Variants in GIGYF2 observed in about 807,000 individuals in gnomAD.
The protein encoded by GIGYF2 is GRB10 interacting GYF protein 2.
A neutral mutation model predicts 208.1 loss-of-function variants in GIGYF2; 25 were observed. The observed-to-expected ratio is 0.12, with a 90% CI of 0.09 to 0.17. The LOEUF (loss-of-function observed/expected upper bound fraction) is 0.17, where lower values mean the gene tolerates loss of function less well. Ranked by LOEUF, GIGYF2 falls within the 10% of genes least tolerant of loss-of-function variation. The pLI, the probability that GIGYF2 is intolerant of heterozygous loss-of-function variation, is 1.00. For missense variants in GIGYF2, 1,302 were observed against 1,579.4 expected, an observed-to-expected ratio of 0.82 and a Z score of 2.98; for synonymous variants, 534 against 543.8, an observed-to-expected ratio of 0.98 and a Z score of 0.25.
chr2:232,741,359 A>G (rs1046819501), intron 3 of GIGYF2, among the ~76,000 whole-genome samples: 1 of 151,454 alleles, frequency 6.6e-6, no homozygotes, highest in Non-Finnish European at 1.5e-5. Context: ...CTCTATTGCT[A>G]TCACCTTAGT....
At chr2:232,800,866 C>T (rs931350824) in intron 14 of GIGYF2, among the ~76,000 whole-genome samples, 4 of 152,082 alleles carry the variant, frequency 2.6e-5, no homozygotes, top group African/African-American at 9.7e-5. Context: ...GCCTGGGCAA[C>T]ATAGTGAGAC....
intron 2 of GIGYF2, chr2:232,729,418 G>C (rs1697350525): frequency 1.9e-6 from 1 of 538,644 alleles, no homozygotes; most frequent in South Asian, 3.4e-5. Flanking sequence ...GAGTAATGCA[G>C]GTCTCTTTAT....
At chr2:232,813,877 G>T in intron 18 of GIGYF2, among the ~76,000 whole-genome samples, 1 of 134,476 alleles carries the variant, frequency 7.4e-6, no homozygotes, top group Non-Finnish European at 1.5e-5. Flanking sequence ...GATTTCACAA[G>T]TGGATTTTTT....
At chr2:232,826,563 C>G (rs999548310) in intron 21 of GIGYF2, among the ~76,000 whole-genome samples, 3 of 152,122 alleles carry the variant, frequency 2.0e-5, no homozygotes, top group Non-Finnish European at 2.9e-5. Context: ...AGCTTCTGCA[C>G]AGCAAAAGAA....
At chr2:232,741,457 G>C (rs1023160198) in intron 3 of GIGYF2, among the ~76,000 whole-genome samples, 2 of 120,298 alleles carry the variant, frequency 1.7e-5, no homozygotes, top group African/African-American at 6.4e-5. Context: ...CTTTTTTTTT[G>C]TTTGAAATGG....
At chr2:232,718,083 T>TTG (rs1696773374) in intron 2 of GIGYF2, among the ~76,000 whole-genome samples, 1 of 151,948 alleles carries the variant, frequency 6.6e-6, no homozygotes, top group Admixed American at 6.5e-5. Context: ...AGTAATTTTT[T>TTG]TTGTTGTTGT....
intron 6 of GIGYF2, 135 bp from the exon 7 acceptor site, chr2:232,760,345 C>T (rs962056703): frequency 1.5e-5 from 10 of 680,990 alleles, no homozygotes; most frequent in Middle Eastern, 7.1e-4. Context: ...TCAAGATCAT[C>T]AGGCCTCGTT....
Position 232,749,005 on chromosome 2 carries a change from G to A in GIGYF2, c.190G>A (p.Asp64Asn). The change falls in exon 5 of 29, where the codon GAT (aspartate) becomes AAT (asparagine). Residue 64 changes from aspartate to asparagine, a missense_variant. Physicochemically the swap from Asp to Asn is conservative, Grantham distance 23. This residue lies in a region of GIGYF2 where 189 missense variants were observed against 257.7 expected (regional missense o/e 0.73). Transcript: ENST00000373563. ...KDNKIPSDLL[D>N]KEFLPILQEE... ...CCTACAGATACCTTCAGACCTTCTG[G>A]ATAAAGAATTTCTGCCTATCCTCCA... 2 of 1,585,374 alleles carry A rather than the reference G, an allele frequency of 1.3e-6. No homozygotes were observed. Among genetic ancestry groups the A allele is most frequent in the South Asian group, 1.1e-5 (1 of 90,540 alleles).
chr2:232,755,793 A>C (rs1698512757), intron 5 of GIGYF2, among the ~76,000 whole-genome samples: 1 of 152,212 alleles, frequency 6.6e-6, no homozygotes, highest in African/African-American at 2.4e-5. Flanking sequence ...CTACTCTCGC[A>C]TCAGACCTTT....
Sources: gnomAD v4.1 joint callset for allele counts (sites outside exome capture counted in the v4.1 genomes callset) on GRCh38, gnomAD v4.1.1 for gene constraint, gnomAD v4.1.1 regional missense constraint, MANE v1.5 for transcripts, NCBI Gene and HGNC (gene_info 2026-07-23, HGNC 2026-07-21) for gene names.